CYTH1: variants seen among roughly 807,000 people sequenced by gnomAD.
The protein encoded by CYTH1 is cytohesin-1.
A neutral mutation model predicts 61.8 loss-of-function variants in CYTH1; 18 were observed. The observed-to-expected ratio is 0.29, with a 90% confidence interval of 0.20 to 0.43. The LOEUF (loss-of-function observed/expected upper bound fraction) is 0.43, where lower values mean the gene tolerates loss of function less well. CYTH1 is among the 20% of genes least tolerant of loss of function. The pLI, the probability that CYTH1 is intolerant of heterozygous loss-of-function variation, is 1.00. For synonymous variants in CYTH1, 174 were observed against 184.3 expected (o/e 0.94, Z 0.45); for missense variants, 336 against 510.5 (o/e 0.66, Z 3.29).
chr17:78,776,231 AATG>A (rs1398575192), intron 1 of CYTH1, among the ~76,000 whole-genome samples: 1 of 152,170 alleles, frequency 6.6e-6, no homozygotes, highest in African/African-American at 2.4e-5. Flanking sequence ...TTAGCCCCAA[AATG>A]ATGACCATTA....
chr17:78,761,662 C>T (rs1223475055), intron 1 of CYTH1, among the ~76,000 whole-genome samples: 2 of 152,050 alleles, frequency 1.3e-5, no homozygotes, highest in Admixed American at 6.5e-5. Flanking sequence ...GACGTGAACC[C>T]GGGAGGCGGA....
At chr17:78,706,293 A>G (rs1043563502) in intron 3 of CYTH1, among the ~76,000 whole-genome samples, 1 of 70,402 alleles carries the variant, frequency 1.4e-5, no homozygotes, top group African/African-American at 5.3e-5. Flanking sequence ...AGTCAACCCC[A>G]CCCCACCCCG....
intron 1 of CYTH1, chr17:78,727,591 C>G: frequency 2.2e-6 from 1 of 444,708 alleles, no homozygotes; most frequent in Admixed American, 2.5e-5. Flanking sequence ...TAAGAAGGAG[C>G]TGACTAGGGC....
rs1356984625 is a variant in CYTH1 at position 78,700,685 on chromosome 17, G to A, written c.438-242C>T. Among the ~76,000 whole-genome samples the A allele has an allele frequency of 3.9e-5, 6 of 152,032 alleles. No homozygotes were observed. The highest frequency in any genetic ancestry group is 8.8e-5 in the Non-Finnish European group (6 of 68,004). Reference sequence around the variant, plus strand: ...ACTACAGGCACACGCCACCATGCCCGGCTAATTTTTTGTATTTTTAGTAGA... The same window carrying A: ...ACTACAGGCACACGCCACCATGCCCAGCTAATTTTTTGTATTTTTAGTAGA... On this transcript the variant is annotated intron_variant, in intron 6 of 13. Transcript: ENST00000446868. This position sits in a 1 kb window ranked among gnomAD's most constrained non-coding sequence, Gnocchi z 5.1.
intron 1 of CYTH1, among the ~76,000 whole-genome samples, chr17:78,769,209 G>A (rs750940768): frequency 1.3e-5 from 2 of 151,098 alleles, no homozygotes; most frequent in Admixed American, 6.6e-5. Context: ...TCATAGCTCC[G>A]TGTCCCACAG....
chr17:78,736,037 C>T (rs2093318611), intron 1 of CYTH1, among the ~76,000 whole-genome samples: 1 of 152,218 alleles, frequency 6.6e-6, no homozygotes, highest in South Asian at 2.1e-4. Flanking sequence ...GGAAGTTCTA[C>T]AGACCCTGCC....
At chr17:78,754,052 A>G (rs1393984271) in intron 1 of CYTH1, among the ~76,000 whole-genome samples, 1 of 152,062 alleles carries the variant, frequency 6.6e-6, no homozygotes, top group Non-Finnish European at 1.5e-5. Context: ...CACGTGGAGT[A>G]GGGAGGGAGG....
chr17:78,677,711 C>T (rs2092716076), intron 13 of CYTH1: 1 of 152,326 alleles, frequency 6.6e-6, no homozygotes, highest in South Asian at 2.1e-4. Flanking sequence ...AGGAAAAGCA[C>T]TTCGTGAGAG....
chr17:78,722,210 A>G (rs1457842903), intron 1 of CYTH1, among the ~76,000 whole-genome samples: 1 of 152,234 alleles, frequency 6.6e-6, no homozygotes, highest in East Asian at 1.9e-4. Context: ...AATAAAAGCT[A>G]AAAACTAGAA....
intron 1 of CYTH1, among the ~76,000 whole-genome samples, chr17:78,761,743 C>CA (rs931555047): frequency 8.7e-4 from 126 of 144,908 alleles, no homozygotes; most frequent in African/African-American, 1.2e-3. Context: ...GTCTCAAAAA[C>CA]AAAAAAAAAA....
intron 8 of CYTH1, 78 bp downstream of exon 8, chr17:78,698,742 C>CA: frequency 6.9e-7 from 1 of 1,443,100 alleles, no homozygotes; most frequent in Non-Finnish European, 9.2e-7. Context: ...TATGTTTTTT[C>CA]TTCCTTCCTA....
intron 13 of CYTH1, among the ~76,000 whole-genome samples, chr17:78,678,684 C>T (rs1030494821): frequency 6.6e-6 from 1 of 152,156 alleles, no homozygotes; most frequent in African/African-American, 2.4e-5. Context: ...AACACCGTGG[C>T]ACCGCGTCTG....
intron 1 of CYTH1, among the ~76,000 whole-genome samples, chr17:78,731,329 A>G (rs2093292888): frequency 6.6e-6 from 1 of 152,124 alleles, no homozygotes; most frequent in South Asian, 2.1e-4. Context: ...TGATTACACT[A>G]CTGTTAGTGA....
intron 1 of CYTH1, chr17:78,723,952 T>C (rs941969162): frequency 3.9e-5 from 6 of 152,320 alleles, no homozygotes; most frequent in South Asian, 2.1e-4. Flanking sequence ...GCTCCCTTCC[T>C]CCAGGGATCC....
chr17:78,691,403 C>T (rs749813673), intron 11 of CYTH1: 2 of 152,204 alleles, frequency 1.3e-5, no homozygotes, highest in African/African-American at 2.4e-5. Flanking sequence ...AATGCCAAGG[C>T]GTGTACCTGT....
At chr17:78,771,398 C>T (rs2093470775) in intron 1 of CYTH1, among the ~76,000 whole-genome samples, 1 of 152,130 alleles carries the variant, frequency 6.6e-6, no homozygotes, top group South Asian at 2.1e-4. Flanking sequence ...CAAGATCACG[C>T]CACTGCCCTC....
chr17:78,742,913 GCA>G (rs1184371189), intron 1 of CYTH1, among the ~76,000 whole-genome samples: 6 of 152,254 alleles, frequency 3.9e-5, no homozygotes, highest in South Asian at 2.1e-4. Flanking sequence ...ACAGCTAAAT[GCA>G]CAGTGTGGAT....
chr17:78,707,774 G>A (rs994662071), intron 3 of CYTH1, among the ~76,000 whole-genome samples: 2 of 151,176 alleles, frequency 1.3e-5, no homozygotes, highest in South Asian at 2.1e-4. Context: ...TCCACCTCCC[G>A]GGTTCAAGCA....
chr17:78,764,355 C>T (rs1250243631), intron 1 of CYTH1, among the ~76,000 whole-genome samples: 1 of 151,724 alleles, frequency 6.6e-6, no homozygotes, highest in East Asian at 2.0e-4. Flanking sequence ...CCCCACCACG[C>T]CCAGCTAATT....
Sources: allele counts gnomAD v4.1 joint callset (sites outside exome capture counted in the v4.1 genomes callset), GRCh38; gene constraint gnomAD v4.1.1; non-coding constraint Gnocchi (gnomAD v3.1); transcripts MANE v1.5; gene names NCBI Gene and HGNC (gene_info 2026-07-23, HGNC 2026-07-21).